The following GPR174 variants were observed in gnomAD, a reference collection of about 807,000 sequenced individuals.
The protein encoded by GPR174 is probable G protein-coupled receptor 174.
A neutral mutation model predicts 16.5 loss-of-function variants in GPR174; 8 were observed. The observed-to-expected ratio is 0.48, with a 90% confidence interval of 0.28 to 0.87. The LOEUF (loss-of-function observed/expected upper bound fraction) is 0.87, where lower values mean the gene tolerates loss of function less well. Ranked by LOEUF, GPR174 falls within the 40% of genes least tolerant of loss-of-function variation. The probability of loss-of-function intolerance (pLI) is 0.09; values close to 1 mark genes in which losing one functional copy is unlikely to be tolerated. For missense variants in GPR174, 214 were observed against 247.5 expected, an observed-to-expected ratio of 0.86 and a Z score of 0.91; for synonymous variants, 111 against 94.8, an observed-to-expected ratio of 1.17 and a Z score of -0.99.
Position 79,167,985 on chromosome X carries a change from G to T in GPR174, c.-556-2467G>T, listed in dbSNP as rs141482131. On this transcript the variant is annotated intron_variant, in intron 2 of 2. Coordinates refer to ENST00000645147, the MANE Select transcript of GPR174 (RefSeq NM_032553.3). ...TTTAAAAAAAGTGATAGAATACTCA[G>T]TAGGGCAAAACTGGTGAATTTCCTA... Among the ~76,000 whole-genome samples, 137 of 112,117 alleles carry T rather than the reference G, an allele frequency of 1.2e-3. No homozygotes were observed. The East Asian group carries it at 0.022, about 18-fold the overall frequency.
intron 2 of GPR174, among the ~76,000 whole-genome samples, chrX:79,163,611 GTCC>G (rs1921286298): frequency 8.9e-6 from 1 of 112,228 alleles, no homozygotes; most frequent in Admixed American, 9.4e-5. Flanking sequence ...TGACCTGCTA[GTCC>G]TCCTTCATTA....
chrX:79,173,845 T>C lies in GPR174; in HGVS notation c.*1836T>C, dbSNP rs1217601722. The C allele has an allele frequency of 8.9e-6, 1 of 112,320 alleles. No individual in the cohort carries two copies. The highest frequency in any genetic ancestry group is 3.2e-5 in the African/African-American group (1 of 30,955). 9.3% of individuals were successfully genotyped at this position (112,320 alleles called of 1,213,427 possible). A position where few individuals can be genotyped will look rare whatever the true frequency, so the allele number is the denominator to read the frequency against. The stretch of plus-strand genomic sequence containing the variant: ...AACTGTATTTTAAATAGGGCATCTA[T>C]AACTGTGTCTTGTCTCTTTGCTTTA... On this transcript the variant is annotated 3_prime_UTR_variant, in exon 3 of 3. Transcript: ENST00000645147.
At position 79,172,160 on chromosome X, in the gene GPR174, G is replaced by A. The variant is rs1040928788; in HGVS notation, c.*151G>A. On this transcript the variant is annotated 3_prime_UTR_variant, in exon 3 of 3. Transcript: ENST00000645147. ...TGGGGAATTCACTTCTTCAAAGCAGGACCTATTTGGAGCATTACGATCCAC... is the reference window on the plus strand; with the variant it reads ...TGGGGAATTCACTTCTTCAAAGCAGAACCTATTTGGAGCATTACGATCCAC... The A allele has an allele frequency of 2.9e-5, 15 of 515,618 alleles. No homozygotes were observed. Among genetic ancestry groups the A allele is most frequent in the Non-Finnish European group, 9.3e-6 (3 of 323,680 alleles). 42.5% of individuals were successfully genotyped at this position (515,618 alleles called of 1,213,427 possible).
intron 1 of GPR174, among the ~76,000 whole-genome samples, chrX:79,148,965 G>A (rs1201933231): frequency 8.9e-6 from 1 of 111,953 alleles, no homozygotes; most frequent in African/African-American, 3.2e-5. Context: ...TATTTTAGGT[G>A]TCTACTCTAT....
intron 2 of GPR174, among the ~76,000 whole-genome samples, chrX:79,163,197 A>G (rs751766623): frequency 4.5e-5 from 5 of 112,329 alleles, no homozygotes; most frequent in Non-Finnish European, 5.6e-5. Context: ...GATAAAGGCA[A>G]CTGCAGAAAT....
intron 2 of GPR174, among the ~76,000 whole-genome samples, chrX:79,162,897 G>C (rs1921269431): frequency 8.9e-6 from 1 of 111,823 alleles, no homozygotes; most frequent in African/African-American, 3.3e-5. Context: ...GAAGAAATTA[G>C]ATAATCAAAA....
In GPR174 at chrX:79,144,718, A is replaced by G; in HGVS notation, c.-1153A>G. Reference sequence around the variant, plus strand: ...ACACAGAGAGTGGCTTGCATATTTCACTCTGACATCTTACTACTATGCTTT... The same window carrying G: ...ACACAGAGAGTGGCTTGCATATTTCGCTCTGACATCTTACTACTATGCTTT... On this transcript the variant is annotated 5_prime_UTR_variant, in exon 1 of 3. Transcript: ENST00000645147. The G allele has an allele frequency of 9.0e-6, 1 of 110,582 alleles. No homozygotes were observed. The highest frequency in any genetic ancestry group is 1.9e-5 in the Non-Finnish European group (1 of 52,740). The allele number at this position is 110,582 out of a possible 1,213,427, so 9.1% of individuals were successfully genotyped here.
chrX:79,159,931 T>C (rs758015618), intron 2 of GPR174, among the ~76,000 whole-genome samples: 3 of 111,706 alleles, frequency 2.7e-5, no homozygotes, highest in Admixed American at 9.5e-5. Context: ...AGGCATTCAA[T>C]TGCAGAGGTA....
intron 1 of GPR174, among the ~76,000 whole-genome samples, chrX:79,146,187 T>TGA (rs1754428961): frequency 9.0e-6 from 1 of 111,524 alleles, no homozygotes; most frequent in South Asian, 3.8e-4. Flanking sequence ...AATTCCTATG[T>TGA]GAGAGAGAGA....
chrX:79,147,133 T>C (rs1167186343), intron 1 of GPR174, among the ~76,000 whole-genome samples: 1 of 111,566 alleles, frequency 9.0e-6, no homozygotes, highest in Non-Finnish European at 1.9e-5. Flanking sequence ...CTTTATGCTT[T>C]GGGAAGTAAA....
At position 79,145,827 on chromosome X, in the gene GPR174, A is replaced by G. The variant is rs1052544658; in HGVS notation, c.-654+610A>G. ...AAAGATTCTGTTTTCAAACACGTTT[A>G]AGAAAACTTGTTTATAATGAGAGAA... On this transcript the variant is annotated intron_variant, in intron 1 of 2. Transcript: ENST00000645147. Among the ~76,000 whole-genome samples the G allele has an allele frequency of 8.0e-5, 9 of 111,894 alleles. No homozygotes were observed. In the East Asian group the frequency reaches 1.7e-3, roughly 21 times the overall value.
chrX:79,174,147 G>T lies in GPR174; in HGVS notation c.*2138G>T, dbSNP rs904741655. Reference sequence around the variant, plus strand: ...AGATGTTTGACCTTCTTAGATGAATGGTTGAGGGTAGGGCCCATTTGTTAG... The same window carrying T: ...AGATGTTTGACCTTCTTAGATGAATTGTTGAGGGTAGGGCCCATTTGTTAG... On this transcript the variant is annotated 3_prime_UTR_variant, in exon 3 of 3. Transcript: ENST00000645147. The T allele has an allele frequency of 6.4e-5, 7 of 110,023 alleles. No individual in the cohort carries two copies. The highest frequency in any genetic ancestry group is 1.1e-4 in the Non-Finnish European group (6 of 52,792). 9.1% of individuals were successfully genotyped at this position (110,023 alleles called of 1,213,427 possible). A position where few individuals can be genotyped will look rare whatever the true frequency, so the allele number is the denominator to read the frequency against.
At chrX:79,161,893 T>C (rs756439253) in intron 2 of GPR174, among the ~76,000 whole-genome samples, 2 of 111,637 alleles carry the variant, frequency 1.8e-5, no homozygotes, top group Non-Finnish European at 3.8e-5. Context: ...TACTCCATTC[T>C]GGTGCGTGTG....
intron 1 of GPR174, among the ~76,000 whole-genome samples, chrX:79,147,363 T>C (rs1926520110): frequency 9.1e-6 from 1 of 110,005 alleles, no homozygotes; most frequent in African/African-American, 3.3e-5. Context: ...AGATTTCATT[T>C]TGAGAGCATT....
In GPR174 at chrX:79,175,284, T is replaced by G. The variant is rs183722214; in HGVS notation, c.*3275T>G. ...TGGCTATAACTTATAATATTCATTT[T>G]AATAATAAAGATTGTCTTTGTAATT... On this transcript the variant is annotated 3_prime_UTR_variant, in exon 3 of 3. Transcript: ENST00000645147. 3.6e-5 allele frequency: 4 copies of G among 112,343 alleles called. No homozygotes were observed. In the East Asian group the frequency reaches 8.3e-4, roughly 23 times the overall value. The allele number at this position is 112,343 out of a possible 1,213,427, so 9.3% of individuals were successfully genotyped here.
At chrX:79,165,360 A>C (rs1483796168) in intron 2 of GPR174, among the ~76,000 whole-genome samples, 4 of 110,238 alleles carry the variant, frequency 3.6e-5, no homozygotes, top group Non-Finnish European at 1.9e-5. Context: ...CCAAGGATGC[A>C]AAAGCTTTGG....
chrX:79,156,677 A>T (rs1404023372), intron 1 of GPR174, 145 bp from the exon 2 acceptor site: 1 of 111,862 alleles, frequency 8.9e-6, no homozygotes, highest in Non-Finnish European at 1.9e-5. Context: ...GCTACCACTA[A>T]TGACTAAGTG....
chrX:79,154,194 C>T (rs1218815095), intron 1 of GPR174, among the ~76,000 whole-genome samples: 1 of 110,804 alleles, frequency 9.0e-6, no homozygotes, highest in Non-Finnish European at 1.9e-5. Context: ...GGAATTCAAG[C>T]TGACTATAAC....
chrX:79,170,389 G>C (rs766163689), intron 2 of GPR174, 63 bp from the exon 3 acceptor site: 1 of 72,687 alleles, frequency 1.4e-5, no homozygotes, highest in South Asian at 6.7e-4. Flanking sequence ...TCTGAACACA[G>C]GCTTTTTTTT....
Sources: allele counts gnomAD v4.1 joint callset (sites outside exome capture counted in the v4.1 genomes callset), GRCh38; gene constraint gnomAD v4.1.1; transcripts MANE v1.5; gene names NCBI Gene and HGNC (gene_info 2026-07-23, HGNC 2026-07-21).